SLC15A1: variants seen among roughly 807,000 people sequenced by gnomAD.
The protein encoded by SLC15A1 is Caco-2 oligopeptide transporter.
A neutral mutation model predicts 92.9 loss-of-function variants in SLC15A1; 83 were observed. The ratio of observed to expected loss-of-function variants is 0.89; its 90% CI spans 0.75 to 1.07. The LOEUF (loss-of-function observed/expected upper bound fraction) is 1.07. Ranked by LOEUF, SLC15A1 falls within the 50% of genes least tolerant of loss-of-function variation. The probability of loss-of-function intolerance (pLI) is 0.00; values close to 1 mark genes in which losing one functional copy is unlikely to be tolerated. For synonymous variants in SLC15A1, 322 were observed against 318.2 expected, an observed-to-expected ratio of 1.01 and a Z score of -0.13; for missense variants, 857 against 880.1, an observed-to-expected ratio of 0.97 and a Z score of 0.33.
In SLC15A1 at chr13:98,712,525, C is replaced by T. The variant is rs756479937; in HGVS notation, c.783G>A (p.Trp261Ter). 6.2e-7 allele frequency: 1 copy of T among 1,611,850 alleles called. No homozygotes were observed. Residue 261 changes from tryptophan (W) to a stop codon, truncating the protein, a stop_gained, in exon 10 of 23, where the codon TGG becomes TGA. Coordinates refer to ENST00000376503, the MANE Select transcript of SLC15A1 (RefSeq NM_005073.4). LOFTEE classifies it high-confidence loss of function. ...RSKAFPKREH[W>*]LDWAKEKYDE... ...CGTATTTCTCTTTAGCCCAGTCCAG[C>T]CAGTGCTCCCTCTTGGGAAATGCCT...
intron 1 of SLC15A1, among the ~76,000 whole-genome samples, chr13:98,734,652 T>C (rs545190193): frequency 6.6e-5 from 10 of 152,030 alleles, no homozygotes. Flanking sequence ...TGATAAAGGG[T>C]ATATCACCAC....
At chr13:98,699,082 AC>A (rs2139570082) in intron 18 of SLC15A1, among the ~76,000 whole-genome samples, 1 of 152,256 alleles carries the variant, frequency 6.6e-6, no homozygotes, top group Admixed American at 6.5e-5. Flanking sequence ...AAATTGTGCT[AC>A]CCCATAGTCA....
In SLC15A1 at chr13:98,689,327, C is replaced by A. The variant is rs183644764; in HGVS notation, c.1467-750G>T. 2.6e-5 allele frequency among the ~76,000 whole-genome samples: 4 copies of A among 152,308 alleles called. No homozygotes were observed. In the East Asian group the frequency reaches 5.8e-4, roughly 22 times the overall value. ...AGACCCCAGTTCCTAAACGACACCC[C>A]CTTCTTTAGGGGGTTGAGGAGGAAA... On this transcript the variant is annotated intron_variant, in intron 18 of 22. Transcript: ENST00000376503.
intron 1 of SLC15A1, among the ~76,000 whole-genome samples, chr13:98,744,684 G>A (rs1399142642): frequency 6.7e-6 from 1 of 148,518 alleles, no homozygotes; most frequent in African/African-American, 2.5e-5. Flanking sequence ...GGGAGGCAGA[G>A]GTTGCAGTGA....
chr13:98,723,069 C>A (rs1367836553), intron 5 of SLC15A1, among the ~76,000 whole-genome samples: 7 of 152,170 alleles, frequency 4.6e-5, no homozygotes, highest in Non-Finnish European at 1.0e-4. Flanking sequence ...CAGAATCTGG[C>A]TCCAAAGTCC....
intron 1 of SLC15A1, among the ~76,000 whole-genome samples, chr13:98,727,279 G>C (rs1044092084): frequency 6.6e-6 from 1 of 152,104 alleles, no homozygotes; most frequent in African/African-American, 2.4e-5. Context: ...ACACTCAACC[G>C]CCACCTCCTA....
intron 11 of SLC15A1, among the ~76,000 whole-genome samples, chr13:98,710,607 G>A (rs1052232085): frequency 1.1e-4 from 16 of 151,976 alleles, no homozygotes; most frequent in African/African-American, 3.1e-4. Context: ...CCTGAGGTTA[G>A]GAGTTGGAGA....
At chr13:98,748,476 G>A (rs767910354) in intron 1 of SLC15A1, among the ~76,000 whole-genome samples, 3 of 151,880 alleles carry the variant, frequency 2.0e-5, no homozygotes, top group Non-Finnish European at 4.4e-5. Context: ...TATTTTTTTT[G>A]TGGAGACGGG....
At chr13:98,743,148 A>T (rs941538987) in intron 1 of SLC15A1, among the ~76,000 whole-genome samples, 10 of 152,104 alleles carry the variant, frequency 6.6e-5, no homozygotes, top group African/African-American at 2.2e-4. Flanking sequence ...ACGTCATCAT[A>T]GTGAATTACA....
intron 4 of SLC15A1, among the ~76,000 whole-genome samples, chr13:98,725,307 T>C (rs917786309): frequency 2.0e-5 from 3 of 152,178 alleles, no homozygotes; most frequent in Admixed American, 1.3e-4. Flanking sequence ...CGTCATTCCT[T>C]TGGCCTGGAA....
chr13:98,709,170 T>C (rs2088140868), intron 14 of SLC15A1, among the ~76,000 whole-genome samples: 1 of 152,088 alleles, frequency 6.6e-6, no homozygotes, highest in Non-Finnish European at 1.5e-5. Flanking sequence ...GAATTTGCCA[T>C]GTTGGCCAGG....
chr13:98,730,819 G>T (rs1188468046), intron 1 of SLC15A1, among the ~76,000 whole-genome samples: 2 of 152,190 alleles, frequency 1.3e-5, no homozygotes, highest in African/African-American at 2.4e-5. Context: ...TGGGTCCCGT[G>T]GGCCCTTCCA....
intron 8 of SLC15A1, 53 bp downstream of exon 8, chr13:98,719,184 G>A (rs563146041): frequency 6.1e-6 from 8 of 1,317,056 alleles, no homozygotes; most frequent in East Asian, 2.3e-5. Flanking sequence ...AATCATTCAC[G>A]TAGGGCCTGA....
intron 18 of SLC15A1, among the ~76,000 whole-genome samples, chr13:98,700,484 C>CAAAAAAAAAAAAAAAAAAAAAAAAAAA (rs56342746): frequency 2.0e-5 from 1 of 50,908 alleles, no homozygotes; most frequent in Non-Finnish European, 3.2e-5. Flanking sequence ...GACCCTGTCT[C>CAAAAAAAAAAAAAAAAAAAAAAAAAAA]AAAAAAAAAA....
intron 18 of SLC15A1, among the ~76,000 whole-genome samples, chr13:98,701,769 C>G (rs1314456808): frequency 2.7e-5 from 4 of 150,288 alleles, no homozygotes; most frequent in African/African-American, 9.8e-5. Context: ...CTACCAGGTT[C>G]AAGCAATTCT....
At chr13:98,714,593 G>T (rs1593993591) in intron 9 of SLC15A1, among the ~76,000 whole-genome samples, 1 of 140,038 alleles carries the variant, frequency 7.1e-6, no homozygotes, top group Non-Finnish European at 1.5e-5. Context: ...GGCAGAGGTT[G>T]CAGTGAGCTG....
At chr13:98,712,462 G>A (rs1400732087) in intron 10 of SLC15A1, 36 bp downstream of exon 10, 1 of 1,480,640 alleles carries the variant, frequency 6.8e-7, no homozygotes, top group Non-Finnish European at 9.4e-7. Flanking sequence ...ACTTCCTGGG[G>A]GAATCAGGGT....
At position 98,687,680 on chromosome 13, in the gene SLC15A1, G is replaced by C; in HGVS notation, c.1728C>G (p.Ala576=). 6.2e-7 allele frequency: 1 copy of C among 1,614,140 alleles called. No homozygotes were observed. The highest frequency in any genetic ancestry group is 8.5e-7 in the Non-Finnish European group (1 of 1,180,012). Residue 576 remains alanine, a synonymous_variant, in exon 21 of 23, where the codon GCC becomes GCG. Coordinates refer to ENST00000376503, the MANE Select transcript of SLC15A1 (RefSeq NM_005073.4). ...PEVKVFEDIS[A]NTVNMALQIP... is the part of the protein sequence containing the mutation. ...TTTGCAGAGCCATGTTAACTGTGTT[G>C]GCTGAAATATCTTCAAACACCTTCA...
intron 18 of SLC15A1, among the ~76,000 whole-genome samples, chr13:98,695,739 C>T (rs1412774997): frequency 6.6e-6 from 1 of 152,040 alleles, no homozygotes; most frequent in East Asian, 1.9e-4. Context: ...TCAAAAGGTT[C>T]TCCTGAAGTT....
Sources: allele counts gnomAD v4.1 joint callset (sites outside exome capture counted in the v4.1 genomes callset), GRCh38; gene constraint gnomAD v4.1.1; transcripts MANE v1.5; gene names NCBI Gene and HGNC (gene_info 2026-07-23, HGNC 2026-07-21).